NAV3: variants seen among roughly 807,000 people sequenced by gnomAD.
NAV3 encodes the protein neuron navigator 3.
Under a neutral mutation model 244.7 loss-of-function variants are expected in NAV3, and 87 were observed. The observed-to-expected ratio is 0.36, with a 90% CI of 0.30 to 0.42. The LOEUF (loss-of-function observed/expected upper bound fraction) is 0.42, where lower values mean the gene tolerates loss of function less well. Ranked by LOEUF, NAV3 falls within the 20% of genes least tolerant of loss-of-function variation. The pLI, the probability that NAV3 is intolerant of heterozygous loss-of-function variation, is 1.00. For synonymous variants in NAV3, 1,126 were observed against 1,042.2 expected, an observed-to-expected ratio of 1.08 and a Z score of -1.55; for missense variants, 2,663 against 2,893.3, an observed-to-expected ratio of 0.92 and a Z score of 1.83.
chr12:77,572,902 A>AT (rs34719089), intron 2 of NAV3, among the ~76,000 whole-genome samples: 36,397 of 152,098 alleles, frequency 0.24, 4,629 homozygotes, highest in East Asian at 0.4. Context: ...CTTCACCTTC[A>AT]TTTTTCTAGC....
Position 78,050,836 on chromosome 12 carries a change from T to C in NAV3, c.2205T>C (p.Ser735=), listed in dbSNP as rs751133847. 6.2e-7 allele frequency: 1 copy of C among 1,613,868 alleles called. No individual in the cohort carries two copies. The highest frequency in any genetic ancestry group is 8.5e-7 in the Non-Finnish European group (1 of 1,179,874). ...VNGRTIPNLT[S]RPTPMTWRLG... is the part of the protein sequence containing the mutation. ...GAAGGACCATACCCAACTTGACAAG[T>C]CGACCCACCCCCATGACCTGGAGGT... Residue 735 remains serine, a synonymous_variant, in exon 11 of 40, where the codon AGT becomes AGC. Coordinates refer to ENST00000397909, the MANE Select transcript of NAV3 (RefSeq NM_001024383.2).
chr12:78,087,117 T>G (rs1953677046), intron 12 of NAV3, among the ~76,000 whole-genome samples: 1 of 152,020 alleles, frequency 6.6e-6, no homozygotes, highest in Non-Finnish European at 1.5e-5. Flanking sequence ...AAATCCAGAC[T>G]TCCATATGAG....
chr12:77,840,531 G>C (rs1363549892), intron 1 of NAV3, among the ~76,000 whole-genome samples: 1 of 152,144 alleles, frequency 6.6e-6, no homozygotes, highest in African/African-American at 2.4e-5. Context: ...TAGATGTTTG[G>C]ATTAAGCTAT....
At chr12:78,132,704 T>G (rs1956216249) in intron 18 of NAV3, among the ~76,000 whole-genome samples, 1 of 152,170 alleles carries the variant, frequency 6.6e-6, no homozygotes, top group African/African-American at 2.4e-5. Context: ...AAACCCTTTT[T>G]CTATGTTCTC....
At chr12:78,098,626 G>C (rs549748895) in intron 12 of NAV3, among the ~76,000 whole-genome samples, 1 of 151,774 alleles carries the variant, frequency 6.6e-6, no homozygotes, top group South Asian at 2.1e-4. Flanking sequence ...AAGATTTATG[G>C]AGTTGACTGA....
chr12:77,639,204 A>G (rs937777415), intron 2 of NAV3, among the ~76,000 whole-genome samples: 3 of 152,030 alleles, frequency 2.0e-5, no homozygotes, highest in Non-Finnish European at 4.4e-5. Flanking sequence ...AATTTTTTTT[A>G]TCCTCATCTT....
chr12:77,891,660 T>G (rs970551090), intron 1 of NAV3, among the ~76,000 whole-genome samples: 5 of 152,230 alleles, frequency 3.3e-5, no homozygotes, highest in Admixed American at 6.5e-5. Flanking sequence ...CAGACAGGGC[T>G]AATAACTTAA....
At chr12:77,986,378 A>C (rs1180241328) in intron 5 of NAV3, among the ~76,000 whole-genome samples, 2 of 152,188 alleles carry the variant, frequency 1.3e-5, no homozygotes, top group Non-Finnish European at 2.9e-5. Flanking sequence ...TAATAATAAT[A>C]TTTGTAGAAT....
rs2369937 is a variant in NAV3, at chr12:77,699,561, G to A, written c.72+127295G>A. On this transcript the variant is annotated intron_variant, in intron 2 of 8. Transcript: ENST00000550042. ...GCAGGAGTTTACTTGAATGGCTGGG[G>A]GAAGGAATCATCTAGAGCTTCGAGC... Among the ~76,000 whole-genome samples, 174 of 152,122 alleles carry A rather than the reference G, an allele frequency of 1.1e-3. 2 individuals carry two copies. Among genetic ancestry groups the A allele is most frequent in the Admixed American group, 0.011 (163 of 15,250 alleles).
intron 2 of NAV3, among the ~76,000 whole-genome samples, chr12:77,788,732 G>T (rs1201887294): frequency 6.6e-6 from 1 of 150,798 alleles, no homozygotes; most frequent in Admixed American, 6.6e-5. Context: ...TGAGTACTGC[G>T]GTCATGTTGG....
At chr12:77,894,513 G>T (rs934819614) in intron 1 of NAV3, among the ~76,000 whole-genome samples, 1 of 152,058 alleles carries the variant, frequency 6.6e-6, no homozygotes, top group Non-Finnish European at 1.5e-5. Context: ...CAACATGAGA[G>T]AGAAACTTGA....
intron 2 of NAV3, among the ~76,000 whole-genome samples, chr12:77,643,391 A>T (rs1872500663): frequency 6.6e-6 from 1 of 151,822 alleles, no homozygotes. Context: ...GGACATATTT[A>T]CTAACAGATC....
In NAV3 at chr12:78,070,479, T is replaced by G. The variant is rs1421902313; in HGVS notation, c.2636+11364T>G. Among the ~76,000 whole-genome samples, 3 of 152,162 alleles carry G rather than the reference T, an allele frequency of 2.0e-5. No homozygotes were observed. The East Asian group carries it at 5.8e-4, about 29-fold the overall frequency. ...AATTATTTTGAAATTGTTTCCAGCT[T>G]CACTCTTGATCACAAGCTAGTGACT... On this transcript the variant is annotated intron_variant, in intron 12 of 39. Coordinates refer to ENST00000397909, the MANE Select transcript of NAV3 (RefSeq NM_001024383.2).
At chr12:77,733,990 T>C (rs1877232124) in intron 2 of NAV3, among the ~76,000 whole-genome samples, 1 of 151,748 alleles carries the variant, frequency 6.6e-6, no homozygotes, top group African/African-American at 2.4e-5. Context: ...GTCAAGATTT[T>C]TGTTTGTTTG....
At chr12:77,649,418 T>C (rs1361071377) in intron 2 of NAV3, among the ~76,000 whole-genome samples, 1 of 152,154 alleles carries the variant, frequency 6.6e-6, no homozygotes, top group Non-Finnish European at 1.5e-5. Context: ...ATTCCATTCG[T>C]TCCATTGGTA....
intron 9 of NAV3, among the ~76,000 whole-genome samples, chr12:78,042,945 T>A (rs972126677): frequency 6.6e-5 from 10 of 151,238 alleles, no homozygotes; most frequent in South Asian, 2.1e-4. Flanking sequence ...TTTTTTTTTT[T>A]ATTTTACTTT....
In NAV3 at chr12:77,696,762, T is replaced by C. The variant is rs902669458; in HGVS notation, c.72+124496T>C. Among the ~76,000 whole-genome samples the C allele has an allele frequency of 2.0e-4, 30 of 152,286 alleles. 1 individual carries two copies. Among genetic ancestry groups the C allele is most frequent in the African/African-American group, 6.7e-4 (28 of 41,578 alleles). ...ATAATGACAAGGCTTCTTACATGCA[T>C]AGGCTTCCTACTCTCATTGTTCACC... On this transcript the variant is annotated intron_variant, in intron 2 of 8. Transcript: ENST00000550042.
At chr12:78,208,153 T>TA (rs1410713816) in intron 39 of NAV3, among the ~76,000 whole-genome samples, 15 of 152,254 alleles carry the variant, frequency 9.9e-5, no homozygotes, top group Admixed American at 3.9e-4. Context: ...TGCATGAACT[T>TA]ACGGTGGAAA....
intron 2 of NAV3, among the ~76,000 whole-genome samples, chr12:77,741,148 C>CAAAAAAAAAAAAAAAAAAA: frequency 2.5e-3 from 169 of 68,640 alleles, no homozygotes; most frequent in African/African-American, 3.4e-3. Flanking sequence ...AAAAAAAAGA[C>CAAAAAAAAAAAAAAAAAAA]AAAAAAAAAA....
Sources: gnomAD v4.1 joint callset for allele counts (sites outside exome capture counted in the v4.1 genomes callset) on GRCh38, gnomAD v4.1.1 for gene constraint, MANE v1.5 for transcripts, NCBI Gene and HGNC (gene_info 2026-07-23, HGNC 2026-07-21) for gene names.